Variants in PTPRO observed in about 807,000 individuals in gnomAD.
The protein encoded by PTPRO is protein tyrosine phosphatase receptor type O.
In PTPRO, 62 loss-of-function variants were observed where a neutral mutation model predicts 145.2. The ratio of observed to expected loss-of-function variants is 0.43; its 90% confidence interval spans 0.35 to 0.53. The LOEUF (loss-of-function observed/expected upper bound fraction) is 0.53, where lower values mean the gene tolerates loss of function less well. Among genes scored for constraint, PTPRO ranks in the 20% least tolerant of loss-of-function variants. PTPRO has a pLI of 0.01. For missense variants in PTPRO, 1,345 were observed against 1,482.7 expected (o/e 0.91, Z 1.53); for synonymous variants, 565 against 514.7 (o/e 1.10, Z -1.32).
intron 19 of PTPRO, among the ~76,000 whole-genome samples, chr12:15,577,256 AAAGG>A (rs1472463196): frequency 6.6e-6 from 1 of 152,262 alleles, no homozygotes; most frequent in Non-Finnish European, 1.5e-5. Flanking sequence ...ATGAGGAATC[AAAGG>A]AAGAGAGAAA....
chr12:15,434,089 G>A (rs971589912), intron 1 of PTPRO, among the ~76,000 whole-genome samples: 3 of 152,186 alleles, frequency 2.0e-5, no homozygotes, highest in Non-Finnish European at 4.4e-5. Context: ...AGTACACACA[G>A]AGGTTGTTCC....
intron 1 of PTPRO, among the ~76,000 whole-genome samples, chr12:15,382,469 A>G (rs1938893046): frequency 6.6e-6 from 1 of 152,210 alleles, no homozygotes; most frequent in Non-Finnish European, 1.5e-5. Flanking sequence ...ACAGGAGGGA[A>G]GAATTTCAAA....
chr12:15,436,514 T>A (rs1270540509), intron 1 of PTPRO, among the ~76,000 whole-genome samples: 1 of 152,172 alleles, frequency 6.6e-6, no homozygotes, highest in African/African-American at 2.4e-5. Context: ...TTTCCCTCTG[T>A]GACTTACCTT....
At chr12:15,523,669 G>C (rs1029514600) in intron 10 of PTPRO, among the ~76,000 whole-genome samples, 3 of 152,156 alleles carry the variant, frequency 2.0e-5, no homozygotes, top group Admixed American at 2.0e-4. Flanking sequence ...TAGCTACTTG[G>C]TAGACTGAGG....
chr12:15,590,150 G>A (rs1394966512), intron 25 of PTPRO, among the ~76,000 whole-genome samples: 2 of 152,146 alleles, frequency 1.3e-5, no homozygotes, highest in African/African-American at 4.8e-5. Flanking sequence ...CAACATGGAA[G>A]CATCCCCTGA....
Position 15,502,024 on chromosome 12 carries a change from A to G in PTPRO, c.1066A>G (p.Thr356Ala). ...ILTWLPPKPP[T>A]AFDGFHIHIE... ...GACCTGGTTACCACCCAAACCACCC[A>G]CTGCTTTTGATGGGTTCCATATCCA... Residue 356 changes from threonine to alanine, a missense_variant, in exon 5 of 27, where the codon ACT (threonine) becomes GCT (alanine). Around this residue, in one of 3 missense-constraint regions of PTPRO, gnomAD observed 1,130 missense variants for 1,214.7 expected, o/e 0.93. Coordinates refer to ENST00000281171, the MANE Select transcript of PTPRO (RefSeq NM_030667.3). 2 of 1,613,892 alleles carry G rather than the reference A, an allele frequency of 1.2e-6. No homozygotes were observed. Among genetic ancestry groups the G allele is most frequent in the Non-Finnish European group, 1.7e-6 (2 of 1,179,830 alleles).
At chr12:15,328,956 T>C (rs1310409434) in intron 1 of PTPRO, among the ~76,000 whole-genome samples, 3 of 152,242 alleles carry the variant, frequency 2.0e-5, no homozygotes, top group African/African-American at 7.2e-5. Flanking sequence ...ATTATATTAA[T>C]AGTAATCTAT....
At chr12:15,453,643 T>C (rs1020515362) in intron 1 of PTPRO, among the ~76,000 whole-genome samples, 2 of 152,210 alleles carry the variant, frequency 1.3e-5, no homozygotes. Context: ...ATTTGTTTTG[T>C]TAACTATAGG....
At chr12:15,451,333 C>CA (rs1941041271) in intron 1 of PTPRO, among the ~76,000 whole-genome samples, 1 of 151,894 alleles carries the variant, frequency 6.6e-6, no homozygotes. Flanking sequence ...CTGGAGCTCC[C>CA]AAATTTATAA....
rs182609368 is a variant in PTPRO, at chr12:15,363,622, G to A, written c.75+40821G>A. Among the ~76,000 whole-genome samples the A allele has an allele frequency of 2.0e-5, 3 of 151,714 alleles. No homozygotes were observed. The East Asian group carries it at 5.8e-4, about 29-fold the overall frequency. On this transcript the variant is annotated intron_variant, in intron 1 of 26. Transcript: ENST00000281171. ...ACCAGAGAATTTAGAAGCTATATTT[G>A]ATAAGAAGCTAAATATGAGTTGGTG...
intron 5 of PTPRO, among the ~76,000 whole-genome samples, chr12:15,502,671 G>A (rs1942245853): frequency 6.6e-6 from 1 of 152,084 alleles, no homozygotes; most frequent in South Asian, 2.1e-4. Flanking sequence ...GACTAACTCA[G>A]CATCTGAGGT....
intron 1 of PTPRO, among the ~76,000 whole-genome samples, chr12:15,340,210 G>A (rs1408573386): frequency 3.3e-5 from 5 of 152,166 alleles, no homozygotes; most frequent in African/African-American, 1.2e-4. Context: ...AACTAAAGGA[G>A]TTAGGAGTGA....
chr12:15,442,096 G>C (rs1599365), intron 1 of PTPRO, among the ~76,000 whole-genome samples: 112,340 of 152,022 alleles, frequency 0.74, 41,624 homozygotes, highest in East Asian at 0.78. Context: ...ATGCAAAAAT[G>C]TTCAACAAAA....
intron 1 of PTPRO, among the ~76,000 whole-genome samples, chr12:15,386,739 A>AT (rs201475797): frequency 0.018 from 2,683 of 152,214 alleles, 49 homozygotes; most frequent in Middle Eastern, 0.048. Flanking sequence ...CATGAGAGTA[A>AT]TTTTTTTATC....
intron 7 of PTPRO, among the ~76,000 whole-genome samples, chr12:15,510,050 A>G (rs1457069657): frequency 6.6e-6 from 1 of 152,228 alleles, no homozygotes; most frequent in Non-Finnish European, 1.5e-5. Context: ...AAAGGAAAAA[A>G]ATAATTATCA....
At chr12:15,530,121 AACAG>A (rs1942931131) in intron 12 of PTPRO, among the ~76,000 whole-genome samples, 1 of 152,242 alleles carries the variant, frequency 6.6e-6, no homozygotes, top group Non-Finnish European at 1.5e-5. Context: ...GAATTGTAAA[AACAG>A]ACAAAGAGGG....
At chr12:15,383,262 C>T (rs1368866702) in intron 1 of PTPRO, among the ~76,000 whole-genome samples, 1 of 152,140 alleles carries the variant, frequency 6.6e-6, no homozygotes, top group Non-Finnish European at 1.5e-5. Flanking sequence ...AAATAAAGTC[C>T]TCCATATCTA....
intron 1 of PTPRO, among the ~76,000 whole-genome samples, chr12:15,444,280 C>T (rs544351866): frequency 1.8e-4 from 27 of 152,052 alleles, no homozygotes; most frequent in South Asian, 8.3e-4. Flanking sequence ...GGCAGATAAA[C>T]ATCCAGTACT....
In PTPRO at chr12:15,596,254, C is replaced by T. The variant is rs1371297779; in HGVS notation, c.*181C>T. On this transcript the variant is annotated 3_prime_UTR_variant, in exon 27 of 27. Transcript: ENST00000281171. ...CTTAGCCTTAAAGAGCCTACAGTGTCCTTTTGGACTCTTTCACTTCGGGAC... is the reference window on the plus strand; with the variant it reads ...CTTAGCCTTAAAGAGCCTACAGTGTTCTTTTGGACTCTTTCACTTCGGGAC... The T allele has an allele frequency of 6.6e-6, 1 of 152,582 alleles. No individual in the cohort carries two copies. Among genetic ancestry groups the T allele is most frequent in the Non-Finnish European group, 1.5e-5 (1 of 68,038 alleles). 9.5% of individuals were successfully genotyped at this position (152,582 alleles called of 1,614,324 possible).
Sources: allele counts gnomAD v4.1 joint callset (sites outside exome capture counted in the v4.1 genomes callset), GRCh38; gene constraint gnomAD v4.1.1; regional missense constraint gnomAD v4.1.1; transcripts MANE v1.5; gene names NCBI Gene and HGNC (gene_info 2026-07-23, HGNC 2026-07-21).